Variants in SLC12A8 observed in about 807,000 individuals in gnomAD.
The protein encoded by SLC12A8 is solute carrier family 12 member 8.
In SLC12A8, 69 loss-of-function variants were observed where a neutral mutation model predicts 75.6. The observed-to-expected ratio is 0.91, with a 90% CI of 0.75 to 1.11. The LOEUF (loss-of-function observed/expected upper bound fraction) is 1.11. Ranked by LOEUF, SLC12A8 falls within the 50% of genes most tolerant of loss-of-function variation. The pLI, the probability that SLC12A8 is intolerant of heterozygous loss-of-function variation, is 0.00. For missense variants in SLC12A8, 877 were observed against 896.7 expected (o/e 0.98, Z 0.28); for synonymous variants, 365 against 372.8 (o/e 0.98, Z 0.24).
intron 5 of SLC12A8, among the ~76,000 whole-genome samples, chr3:125,146,017 A>C (rs1029773787): frequency 6.6e-6 from 1 of 152,174 alleles, no homozygotes; most frequent in Non-Finnish European, 1.5e-5. Flanking sequence ...TTTTGTAGAG[A>C]CAGGGTCTCA....
chr3:125,147,221 G>A (rs1048409122), intron 5 of SLC12A8, among the ~76,000 whole-genome samples: 5 of 152,184 alleles, frequency 3.3e-5, no homozygotes, highest in Non-Finnish European at 5.9e-5. Flanking sequence ...GGGACCCAAG[G>A]CCTGGGAGCA....
intron 5 of SLC12A8, among the ~76,000 whole-genome samples, chr3:125,175,919 G>C (rs1240367702): frequency 6.6e-6 from 1 of 152,140 alleles, no homozygotes; most frequent in African/African-American, 2.4e-5. Context: ...TGGGGCATCT[G>C]AAGGTTCCTG....
intron 6 of SLC12A8, among the ~76,000 whole-genome samples, chr3:125,128,058 G>C (rs1933251516): frequency 6.6e-6 from 1 of 151,790 alleles, no homozygotes; most frequent in African/African-American, 2.4e-5. Context: ...ATTTTTAGTA[G>C]AGACAGGGTT....
chr3:125,120,561 C>T lies in SLC12A8; in HGVS notation c.824+38G>A, dbSNP rs1216489858. 2.7e-6 allele frequency: 4 copies of T among 1,501,150 alleles called. No homozygotes were observed. In the African/African-American group the frequency reaches 5.5e-5, roughly 21 times the overall value. The allele number at this position is 1,501,150 out of a possible 1,614,324, so 93.0% of individuals were successfully genotyped here. ...CTTCTGCCTGGGGTTTTCTCTCCCA[C>T]TCTCTAGCTCAGACTGATTGCCATG... On this transcript the variant is annotated intron_variant, in intron 7 of 13. Transcript: ENST00000469902.
At chr3:125,179,257 T>C (rs944109585) in intron 4 of SLC12A8, among the ~76,000 whole-genome samples, 1 of 152,194 alleles carries the variant, frequency 6.6e-6, no homozygotes, top group Non-Finnish European at 1.5e-5. Context: ...ATTATCTGGT[T>C]CCATATTCTA....
chr3:125,140,938 C>T (rs1933615943), intron 5 of SLC12A8, among the ~76,000 whole-genome samples: 1 of 152,118 alleles, frequency 6.6e-6, no homozygotes, highest in Non-Finnish European at 1.5e-5. Context: ...CTCTTTGCCT[C>T]TCTGTTGGGC....
chr3:125,108,571 G>A lies in SLC12A8; in HGVS notation c.1060-445C>T, dbSNP rs541320445. On this transcript the variant is annotated intron_variant, in intron 9 of 13. Transcript: ENST00000469902. ...TCTTGTAGAGACGTGGTTTTGCTAT[G>A]TTGCCCAGGCCAGTCACAAACTCCT... is the stretch of plus-strand genomic sequence containing the variant. Among the ~76,000 whole-genome samples, 54 of 152,198 alleles carry A rather than the reference G, an allele frequency of 3.5e-4. 1 individual carries two copies. The East Asian group carries it at 4.1e-3, about 11-fold the overall frequency.
chr3:125,187,120 T>G (rs1426151497), intron 4 of SLC12A8, 117 bp downstream of exon 4: 4 of 996,700 alleles, frequency 4.0e-6, no homozygotes, highest in Non-Finnish European at 6.0e-6. Context: ...AACCTGCTCG[T>G]CTGTCACATG....
intron 6 of SLC12A8, among the ~76,000 whole-genome samples, chr3:125,134,557 C>T (rs1391569041): frequency 6.6e-6 from 1 of 152,218 alleles, no homozygotes; most frequent in East Asian, 1.9e-4. Context: ...TACAAATCTT[C>T]ATATGAACAC....
At chr3:125,148,294 T>TG (rs1933835406) in intron 5 of SLC12A8, among the ~76,000 whole-genome samples, 1 of 152,158 alleles carries the variant, frequency 6.6e-6, no homozygotes, top group Admixed American at 6.5e-5. Flanking sequence ...GCCTGGGGTG[T>TG]GGGCACCTAT....
rs535844272 is a variant in SLC12A8 at position 125,175,659 on chromosome 3, T to C, written c.622+2084A>G. Among the ~76,000 whole-genome samples the C allele has an allele frequency of 2.0e-5, 3 of 151,600 alleles. No individual in the cohort carries two copies. In the South Asian group the frequency reaches 6.2e-4, roughly 32 times the overall value. On this transcript the variant is annotated intron_variant, in intron 5 of 13. Coordinates refer to ENST00000469902, the MANE Select transcript of SLC12A8 (RefSeq NM_024628.6). Reference sequence around the variant, plus strand: ...AAGTACAAGGAATCAGGGACCTGAGTGGACTCTGTCTTTCCTTCACTGACA... The same window carrying C: ...AAGTACAAGGAATCAGGGACCTGAGCGGACTCTGTCTTTCCTTCACTGACA...
chr3:125,133,934 C>T (rs997062706), intron 6 of SLC12A8, among the ~76,000 whole-genome samples: 1 of 152,158 alleles, frequency 6.6e-6, no homozygotes, highest in Non-Finnish European at 1.5e-5. Flanking sequence ...CTCCTTCGTG[C>T]TCCTCTCACT....
intron 5 of SLC12A8, among the ~76,000 whole-genome samples, chr3:125,173,363 T>G (rs1934447009): frequency 6.7e-6 from 1 of 148,652 alleles, no homozygotes; most frequent in Non-Finnish European, 1.5e-5. Flanking sequence ...TACAGTCAAC[T>G]GATATTTGAC....
At chr3:125,170,922 A>G (rs1560075083) in intron 5 of SLC12A8, among the ~76,000 whole-genome samples, 5 of 152,314 alleles carry the variant, frequency 3.3e-5, no homozygotes, top group Middle Eastern at 3.4e-3. Flanking sequence ...CTCAAACAAA[A>G]AAAGAAAGAA....
chr3:125,083,734 A>T lies in SLC12A8; in HGVS notation c.*156T>A. On this transcript the variant is annotated 3_prime_UTR_variant, in exon 14 of 14. Transcript: ENST00000469902. ...GAGACTCTGTCTCAAAAAAAAAAAAAAAGGGAAAAGAAAATGTAGATTTCC... is the reference window on the plus strand; with the variant it reads ...GAGACTCTGTCTCAAAAAAAAAAAATAAGGGAAAAGAAAATGTAGATTTCC... 4 of 805,884 alleles carry T rather than the reference A, an allele frequency of 5.0e-6. No individual in the cohort carries two copies. Among genetic ancestry groups the T allele is most frequent in the Non-Finnish European group, 5.6e-6 (3 of 535,880 alleles). The allele number at this position is 805,884 out of a possible 1,614,324, so 49.9% of individuals were successfully genotyped here.
At chr3:125,113,966 G>C (rs1333871493) in intron 8 of SLC12A8, among the ~76,000 whole-genome samples, 1 of 152,142 alleles carries the variant, frequency 6.6e-6, no homozygotes. Context: ...TCTAATTGCG[G>C]TGACCCCTGA....
intron 5 of SLC12A8, among the ~76,000 whole-genome samples, chr3:125,176,626 A>C (rs1290099300): frequency 6.6e-6 from 1 of 152,212 alleles, no homozygotes; most frequent in African/African-American, 2.4e-5. Context: ...ACAAATGTAC[A>C]AGAAAAAAAC....
intron 5 of SLC12A8, among the ~76,000 whole-genome samples, chr3:125,149,747 G>T (rs1341638776): frequency 6.6e-6 from 1 of 151,996 alleles, no homozygotes; most frequent in Non-Finnish European, 1.5e-5. Flanking sequence ...GCAAAGTGGG[G>T]GCAGAGGGGA....
intron 5 of SLC12A8, among the ~76,000 whole-genome samples, chr3:125,173,043 G>T (rs1934439267): frequency 6.6e-6 from 1 of 152,076 alleles, no homozygotes; most frequent in African/African-American, 2.4e-5. Flanking sequence ...GCCAGGTGTG[G>T]TGGTGCATGC....
Sources: allele counts gnomAD v4.1 joint callset (sites outside exome capture counted in the v4.1 genomes callset), GRCh38; gene constraint gnomAD v4.1.1; transcripts MANE v1.5; gene names NCBI Gene and HGNC (gene_info 2026-07-23, HGNC 2026-07-21).